Variants in LAMA4 observed in about 807,000 individuals in gnomAD.
LAMA4 encodes the protein laminin subunit alpha 4.
LAMA4 carries 127 observed loss-of-function variants against 207.1 expected under a neutral mutation model. The ratio of observed to expected loss-of-function variants is 0.61; its 90% confidence interval spans 0.53 to 0.71. LAMA4 has a LOEUF of 0.71. Ranked by LOEUF, LAMA4 falls within the 30% of genes least tolerant of loss-of-function variation. The pLI is 0.00. For synonymous variants in LAMA4, 761 were observed against 816.0 expected, an observed-to-expected ratio of 0.93 and a Z score of 1.15; for missense variants, 2,093 against 2,246.5, an observed-to-expected ratio of 0.93 and a Z score of 1.38.
intron 14 of LAMA4, 78 bp downstream of exon 14, chr6:112,158,654 G>T (rs1209129201): frequency 7.4e-7 from 1 of 1,359,026 alleles, no homozygotes; most frequent in Non-Finnish European, 1.1e-6. Flanking sequence ...TATCCCAGTA[G>T]TTCTGACATA....
At position 112,117,990 on chromosome 6, in the gene LAMA4, C is replaced by T. The variant is rs1437414057; in HGVS notation, c.4822-92G>A. On this transcript the variant is annotated intron_variant, in intron 34 of 38. Coordinates refer to ENST00000230538, the MANE Select transcript of LAMA4 (RefSeq NM_001105206.3). The surrounding 1 kb of genome is among the most constrained non-coding windows in gnomAD (Gnocchi z 4.5). Reference sequence around the variant, plus strand: ...GAGGGGGTTTGAGTCCTGAAGGAACCCACGTAATTCCTTGTTTCATTTATT... The same window carrying T: ...GAGGGGGTTTGAGTCCTGAAGGAACTCACGTAATTCCTTGTTTCATTTATT... The T allele has an allele frequency of 2.1e-6, 2 of 970,644 alleles. No individual in the cohort carries two copies. Among genetic ancestry groups the T allele is most frequent in the Non-Finnish European group, 3.3e-6 (2 of 608,454 alleles). The allele number at this position is 970,644 out of a possible 1,614,324, so 60.1% of individuals were successfully genotyped here. A position where few individuals can be genotyped will look rare whatever the true frequency, so the allele number is the denominator to read the frequency against.
At chr6:112,112,628 TG>T (rs1334156850) in intron 38 of LAMA4, among the ~76,000 whole-genome samples, 3 of 151,796 alleles carry the variant, frequency 2.0e-5, no homozygotes, top group Non-Finnish European at 4.4e-5. Context: ...GGGAGAGGAC[TG>T]GGGAATGGAG....
At chr6:112,109,612 T>C in intron 38 of LAMA4, 30 bp from the exon 39 acceptor site, 1 of 1,613,494 alleles carries the variant, frequency 6.2e-7, no homozygotes, top group Non-Finnish European at 8.5e-7. Flanking sequence ...AAAACAAAGA[T>C]TGCAATTGAG....
Position 112,254,267 on chromosome 6 carries a change from C to A in LAMA4, c.-117G>T. ...TTTCCCTCCTCTCCGTGTGCAGTAT[C>A]CCGAGGTGGCTGCGCAACCAGCAGC... On this transcript the variant is annotated 5_prime_UTR_variant, in exon 2 of 39. Transcript: ENST00000230538. The A allele has an allele frequency of 7.7e-7, 1 of 1,306,974 alleles. No homozygotes were observed. The allele number at this position is 1,306,974 out of a possible 1,614,324, so 81.0% of individuals were successfully genotyped here.
chr6:112,207,598 G>T (rs1784135810), intron 3 of LAMA4, among the ~76,000 whole-genome samples: 1 of 151,278 alleles, frequency 6.6e-6, no homozygotes, highest in Admixed American at 6.6e-5. Flanking sequence ...AGGATTTATG[G>T]TCTTGGAAGG....
intron 2 of LAMA4, among the ~76,000 whole-genome samples, chr6:112,226,907 G>A (rs1348023623): frequency 6.6e-6 from 1 of 152,176 alleles, no homozygotes; most frequent in African/African-American, 2.4e-5. Context: ...ATAATATGAT[G>A]TAATAATATA....
intron 18 of LAMA4, among the ~76,000 whole-genome samples, chr6:112,146,765 GAAT>G (rs1780055182): frequency 6.6e-6 from 1 of 152,060 alleles, no homozygotes; most frequent in Admixed American, 6.5e-5. Context: ...CCAGTGCAAG[GAAT>G]AGAATTAAGT....
intron 35 of LAMA4, among the ~76,000 whole-genome samples, chr6:112,116,572 T>C (rs6908892): frequency 0.71 from 108,369 of 152,008 alleles, 39,013 homozygotes; most frequent in East Asian, 0.86. Context: ...GGTGCCAGTG[T>C]TGTACAGCAT....
chr6:112,190,978 TTCTTTC>T, intron 6 of LAMA4, among the ~76,000 whole-genome samples: 1 of 148,234 alleles, frequency 6.7e-6, no homozygotes, highest in African/African-American at 2.5e-5. Context: ...CTTTCTTTCT[TTCTTTC>T]TTTCCTCTTT....
intron 16 of LAMA4, among the ~76,000 whole-genome samples, chr6:112,151,450 T>A (rs1780398361): frequency 6.6e-6 from 1 of 152,176 alleles, no homozygotes; most frequent in South Asian, 2.1e-4. Flanking sequence ...CTGAATTAAA[T>A]CTGTAGATGA....
At chr6:112,171,572 A>C (rs1209811315) in intron 12 of LAMA4, 1 of 153,526 alleles carries the variant, frequency 6.5e-6, no homozygotes, top group Non-Finnish European at 1.5e-5. Context: ...GATGTGGAGG[A>C]GGGAAAGGGG....
intron 5 of LAMA4, among the ~76,000 whole-genome samples, chr6:112,196,104 A>G (rs1583860919): frequency 1.3e-5 from 2 of 152,230 alleles, no homozygotes; most frequent in South Asian, 2.1e-4. Context: ...ATACATGTGT[A>G]CCATGTATAA....
intron 6 of LAMA4, among the ~76,000 whole-genome samples, chr6:112,190,247 T>C (rs955471310): frequency 6.6e-6 from 1 of 152,220 alleles, no homozygotes; most frequent in Non-Finnish European, 1.5e-5. Flanking sequence ...GGCTTTGATT[T>C]TGCCAACATT....
At chr6:112,173,100 A>G (rs1178957527) in intron 11 of LAMA4, among the ~76,000 whole-genome samples, 2 of 152,180 alleles carry the variant, frequency 1.3e-5, no homozygotes, top group Non-Finnish European at 2.9e-5. Context: ...TATTATCCAG[A>G]TTATTAATAA....
At chr6:112,197,416 C>T (rs1195288898) in intron 5 of LAMA4, among the ~76,000 whole-genome samples, 6 of 152,070 alleles carry the variant, frequency 3.9e-5, no homozygotes, top group Non-Finnish European at 8.8e-5. Context: ...TGTTTTAGAC[C>T]AGTGTTTCGC....
At position 112,118,559 on chromosome 6, in the gene LAMA4, A is replaced by G. The variant is rs1410186704; in HGVS notation, c.4821+597T>C. Among the ~76,000 whole-genome samples the G allele has an allele frequency of 6.6e-6, 1 of 152,226 alleles. No homozygotes were observed. Among genetic ancestry groups the G allele is most frequent in the Non-Finnish European group, 1.5e-5 (1 of 68,040 alleles). On this transcript the variant is annotated intron_variant, in intron 34 of 38. Transcript: ENST00000230538. The surrounding 1 kb of genome is among the most constrained non-coding windows in gnomAD (Gnocchi z 4.6). Reference sequence around the variant, plus strand: ...ATCCAACCTATATTTATGTTAAGAAAAATTTAGTCCTTTGATGCATTCCTT... The same window carrying G: ...ATCCAACCTATATTTATGTTAAGAAGAATTTAGTCCTTTGATGCATTCCTT...
intron 5 of LAMA4, among the ~76,000 whole-genome samples, chr6:112,193,006 A>C (rs1374205192): frequency 1.3e-5 from 2 of 152,222 alleles, no homozygotes; most frequent in Non-Finnish European, 2.9e-5. Flanking sequence ...AGTACTGTAC[A>C]AGTCAAACTA....
chr6:112,112,695 A>T (rs991437505), intron 38 of LAMA4, among the ~76,000 whole-genome samples: 5 of 152,146 alleles, frequency 3.3e-5, no homozygotes, highest in African/African-American at 9.6e-5. Flanking sequence ...GGTCTCAAAT[A>T]TTTTTTTTCA....
rs1562665452 is a variant in LAMA4, at chr6:112,150,577, C to CTA, written c.2105_2106dup (p.Ala703Ter). On this transcript the variant is annotated frameshift_variant, in exon 17 of 39. Transcript: ENST00000230538. LOFTEE classifies it high-confidence loss of function. ...CTGGTTTTAAGGGCACTTTTCCTTGCTAGGGCTCCACCCACACGCCTGCTA... is the reference window on the plus strand; with the variant it reads ...CTGGTTTTAAGGGCACTTTTCCTTGCTATAGGGCTCCACCCACACGCCTGCTA... 6 of 1,614,044 alleles carry CTA rather than the reference C, an allele frequency of 3.7e-6. No homozygotes were observed. Among genetic ancestry groups the CTA allele is most frequent in the Non-Finnish European group, 4.2e-6 (5 of 1,179,974 alleles).
Sources: allele counts gnomAD v4.1 joint callset (sites outside exome capture counted in the v4.1 genomes callset), GRCh38; gene constraint gnomAD v4.1.1; non-coding constraint Gnocchi (gnomAD v3.1); transcripts MANE v1.5; gene names NCBI Gene and HGNC (gene_info 2026-07-23, HGNC 2026-07-21).